The following DOCK1 variants were observed in gnomAD, a reference collection of about 807,000 sequenced individuals.
DOCK1 encodes dedicator of cytokinesis 1, also known as dedicator of cytokinesis protein 1.
Under a neutral mutation model 262.7 loss-of-function variants are expected in DOCK1, and 138 were observed. The ratio of observed to expected loss-of-function variants is 0.53; its 90% CI spans 0.46 to 0.61. DOCK1 has a LOEUF of 0.61. Ranked by LOEUF, DOCK1 falls within the 20% of genes least tolerant of loss-of-function variation. DOCK1 has a pLI of 0.00. For missense variants in DOCK1, 1,908 were observed against 2,370.7 expected, an observed-to-expected ratio of 0.80 and a Z score of 4.05; for synonymous variants, 866 against 867.4, an observed-to-expected ratio of 1.00 and a Z score of 0.03.
At position 127,076,365 on chromosome 10, in the gene DOCK1, G is replaced by A. The variant is rs2046550655; in HGVS notation, c.2445+14589G>A. ...AAATACAAAAAATTAGCTAGGCGTGGTGGCTGGCGCCTGTAGTCCCTGCTA... is the reference window on the plus strand; with the variant it reads ...AAATACAAAAAATTAGCTAGGCGTGATGGCTGGCGCCTGTAGTCCCTGCTA... On this transcript the variant is annotated intron_variant, in intron 23 of 51. Coordinates refer to ENST00000623213, the MANE Select transcript of DOCK1 (RefSeq NM_001290223.2). Among the ~76,000 whole-genome samples, 3 of 152,186 alleles carry A rather than the reference G, an allele frequency of 2.0e-5. No individual in the cohort carries two copies. The South Asian group carries it at 6.2e-4, about 32-fold the overall frequency.
At chr10:126,946,928 C>G (rs2035457495) in intron 1 of DOCK1, among the ~76,000 whole-genome samples, 2 of 152,152 alleles carry the variant, frequency 1.3e-5, no homozygotes, top group Admixed American at 6.5e-5. Context: ...CGGACAGGCT[C>G]ACTTCTTGGA....
chr10:126,929,750 A>C (rs2034042891), intron 1 of DOCK1, among the ~76,000 whole-genome samples: 1 of 152,130 alleles, frequency 6.6e-6, no homozygotes, highest in Admixed American at 6.6e-5. Context: ...GCGGGAGGGC[A>C]CTTCAGGGCA....
chr10:127,400,822 G>C (rs1184748159), intron 38 of DOCK1, among the ~76,000 whole-genome samples: 1 of 152,094 alleles, frequency 6.6e-6, no homozygotes, highest in Non-Finnish European at 1.5e-5. Flanking sequence ...TCATTCCTGG[G>C]CTTTGGCTAA....
chr10:127,171,991 C>A (rs1357363710), intron 27 of DOCK1, among the ~76,000 whole-genome samples: 1 of 152,232 alleles, frequency 6.6e-6, no homozygotes, highest in Non-Finnish European at 1.5e-5. Flanking sequence ...AGGCATGATC[C>A]ACCGTGCCCG....
In DOCK1 at chr10:127,115,886, A is replaced by G. The variant is rs73378449; in HGVS notation, c.2623+5532A>G. 9.5e-3 allele frequency among the ~76,000 whole-genome samples: 1,440 copies of G among 152,334 alleles called. 22 individuals are homozygous for G. Among genetic ancestry groups the G allele is most frequent in the African/African-American group, 0.032 (1,348 of 41,572 alleles). On this transcript the variant is annotated intron_variant, in intron 25 of 51. Coordinates refer to ENST00000623213, the MANE Select transcript of DOCK1 (RefSeq NM_001290223.2). ...GGGTCACTTATTTGCTTTGCAAGGT[A>G]TAATTTTTCCATATTCCCATTTCTA...
At chr10:127,331,258 T>TTTG (rs1045704173) in intron 29 of DOCK1, among the ~76,000 whole-genome samples, 6 of 151,980 alleles carry the variant, frequency 3.9e-5, no homozygotes, top group Non-Finnish European at 7.4e-5. Context: ...TGACTCAGTT[T>TTTG]TTGTTGTTGT....
At chr10:127,067,601 G>T (rs1256820872) in intron 23 of DOCK1, among the ~76,000 whole-genome samples, 1 of 152,002 alleles carries the variant, frequency 6.6e-6, no homozygotes, top group African/African-American at 2.4e-5. Context: ...CTGATTCCCT[G>T]TGATGCATTC....
rs2070971903 is a variant in DOCK1, at chr10:127,451,527, G to T, written c.*100G>T. The T allele has an allele frequency of 1.3e-6, 2 of 1,532,338 alleles. No individual in the cohort carries two copies. The highest frequency in any genetic ancestry group is 2.7e-5 in the African/African-American group (2 of 72,814). The allele number at this position is 1,532,338 out of a possible 1,614,324, so 94.9% of individuals were successfully genotyped here. On this transcript the variant is annotated 3_prime_UTR_variant, in exon 52 of 52. Transcript: ENST00000623213. ...CTGCTGTTTACCTCATTGGGCCTGTGATGTTAACATTTCGTGCGACTGCTT... is the reference window on the plus strand; with the variant it reads ...CTGCTGTTTACCTCATTGGGCCTGTTATGTTAACATTTCGTGCGACTGCTT...
chr10:127,065,861 A>G (rs1238824353), intron 23 of DOCK1, among the ~76,000 whole-genome samples: 1 of 151,974 alleles, frequency 6.6e-6, no homozygotes, highest in Non-Finnish European at 1.5e-5. Context: ...TCTCGAAAAA[A>G]AAATGATAAA....
Position 127,023,242 on chromosome 10 carries a change from A to G in DOCK1, c.1370A>G (p.Asp457Gly), listed in dbSNP as rs374932663. 6.2e-7 allele frequency: 1 copy of G among 1,613,742 alleles called. No individual in the cohort carries two copies. Among genetic ancestry groups the G allele is most frequent in the Non-Finnish European group, 8.5e-7 (1 of 1,179,870 alleles). ...ATCTATGTAACATTAGTTCAAGGAGATTTTGATAAAGGAAGCAAAACAACA... is the reference window on the plus strand; with the variant it reads ...ATCTATGTAACATTAGTTCAAGGAGGTTTTGATAAAGGAAGCAAAACAACA... ...NDIYVTLVQGDFDKGSKTTAK... is the reference protein window; with the variant it reads ...NDIYVTLVQGGFDKGSKTTAK... Residue 457 changes from aspartate (D) to glycine (G), a missense_variant, in exon 14 of 52, where the codon GAT becomes GGT. Physicochemically the swap from Asp to Gly is moderately conservative, Grantham distance 94. Coordinates refer to ENST00000623213, the MANE Select transcript of DOCK1 (RefSeq NM_001290223.2).
chr10:127,125,921 TTTC>T (rs960162064), intron 26 of DOCK1, among the ~76,000 whole-genome samples: 2 of 152,126 alleles, frequency 1.3e-5, no homozygotes, highest in Non-Finnish European at 2.9e-5. Flanking sequence ...ATCTGCATTC[TTTC>T]TTCTTATTTT....
chr10:127,024,216 T>A (rs4387272), intron 14 of DOCK1, among the ~76,000 whole-genome samples: 61 of 151,992 alleles, frequency 4.0e-4, no homozygotes, highest in Non-Finnish European at 8.8e-5. Flanking sequence ...GGGTGAACTC[T>A]GTCCAGCATC....
intron 31 of DOCK1, among the ~76,000 whole-genome samples, chr10:127,347,269 G>A (rs538869084): frequency 5.9e-5 from 9 of 152,318 alleles, no homozygotes; most frequent in South Asian, 2.1e-4. Context: ...TCCCGGTGCC[G>A]GGGACAAAGA....
chr10:127,035,169 A>G (rs2185404), intron 18 of DOCK1, among the ~76,000 whole-genome samples: 141,953 of 152,260 alleles, frequency 0.93, 66,171 homozygotes, highest in African/African-American at 0.95. Flanking sequence ...TCTAAGCATC[A>G]ACTCCCACAT....
intron 2 of DOCK1, among the ~76,000 whole-genome samples, chr10:126,971,815 A>C (rs1009732442): frequency 6.6e-6 from 1 of 151,106 alleles, no homozygotes; most frequent in African/African-American, 2.4e-5. Flanking sequence ...AGGAACCCCA[A>C]TTTTCATCCT....
intron 27 of DOCK1, among the ~76,000 whole-genome samples, chr10:127,172,604 G>C (rs1399373722): frequency 6.6e-6 from 1 of 152,170 alleles, no homozygotes; most frequent in African/African-American, 2.4e-5. Flanking sequence ...TTGAATTTTG[G>C]AGCCCATAAG....
chr10:127,010,323 C>T (rs12252812), intron 11 of DOCK1, among the ~76,000 whole-genome samples: 14,921 of 152,042 alleles, frequency 0.098, 890 homozygotes, highest in Non-Finnish European at 0.13. Flanking sequence ...AAAAATTAGC[C>T]GGGTGTGGCG....
intron 49 of DOCK1, among the ~76,000 whole-genome samples, chr10:127,441,618 A>G (rs367874898): frequency 1.3e-5 from 2 of 152,158 alleles, no homozygotes; most frequent in African/African-American, 4.8e-5. Flanking sequence ...AGCCATGCGC[A>G]GGAGGGGAGG....
chr10:127,419,837 G>A, intron 46 of DOCK1, 88 bp downstream of exon 46: 1 of 1,396,840 alleles, frequency 7.2e-7, no homozygotes, highest in Non-Finnish European at 9.8e-7. Context: ...CCAGCATGGA[G>A]GTCCCTGGGC....
Sources: allele counts gnomAD v4.1 joint callset (sites outside exome capture counted in the v4.1 genomes callset), GRCh38; gene constraint gnomAD v4.1.1; transcripts MANE v1.5; gene names NCBI Gene and HGNC (gene_info 2026-07-23, HGNC 2026-07-21).